SMCHD1: variants seen among roughly 807,000 people sequenced by gnomAD.
SMCHD1 encodes structural maintenance of chromosomes flexible hinge domain-containing protein 1.
A neutral mutation model predicts 254.7 loss-of-function variants in SMCHD1; 78 were observed. That is an observed-to-expected ratio of 0.31 (90% CI 0.26 to 0.37). The LOEUF is 0.37. SMCHD1 is among the 10% of genes least tolerant of loss of function. SMCHD1 has a pLI of 1.00. For synonymous variants in SMCHD1, 766 were observed against 794.9 expected, an observed-to-expected ratio of 0.96 and a Z score of 0.61; for missense variants, 1,840 against 2,408.1, an observed-to-expected ratio of 0.76 and a Z score of 4.94.
At chr18:2,728,725 G>A (rs1270238577) in intron 23 of SMCHD1, 129 bp downstream of exon 23, 4 of 966,268 alleles carry the variant, frequency 4.1e-6, no homozygotes, top group South Asian at 2.2e-5. Context: ...AGGATTTGTG[G>A]GATCTTATTG....
chr18:2,777,723 A>G, intron 42 of SMCHD1, 83 bp from the exon 43 acceptor site: 1 of 693,060 alleles, frequency 1.4e-6, no homozygotes, highest in Non-Finnish European at 2.4e-6. Flanking sequence ...GATGTGCAAT[A>G]TATTCATGTT....
At chr18:2,682,166 T>TG (rs144990626) in intron 5 of SMCHD1, among the ~76,000 whole-genome samples, 3 of 151,940 alleles carry the variant, frequency 2.0e-5, no homozygotes, top group East Asian at 1.9e-4. Context: ...TTAAGTTTGG[T>TG]GTTTTTTTTT....
intron 3 of SMCHD1, among the ~76,000 whole-genome samples, chr18:2,667,430 T>C (rs1239222304): frequency 6.6e-6 from 1 of 152,226 alleles, no homozygotes; most frequent in Non-Finnish European, 1.5e-5. Context: ...CATATTTCCA[T>C]GTCTTTATCA....
At chr18:2,728,203 A>G (rs2075062663) in intron 22 of SMCHD1, among the ~76,000 whole-genome samples, 1 of 152,036 alleles carries the variant, frequency 6.6e-6, no homozygotes, top group Non-Finnish European at 1.5e-5. Context: ...ATGAATTATC[A>G]CTGTGTTGTA....
chr18:2,713,829 A>G (rs12967133), intron 17 of SMCHD1, among the ~76,000 whole-genome samples: 44,799 of 152,144 alleles, frequency 0.29, 6,833 homozygotes, highest in East Asian at 0.5. Flanking sequence ...ACTATGGTCC[A>G]AGAAGTTACT....
At position 2,658,837 on chromosome 18, in the gene SMCHD1, T is replaced by G. The variant is rs2011246329; in HGVS notation, c.186+2576T>G. Among the ~76,000 whole-genome samples the G allele has an allele frequency of 4.0e-5, 6 of 151,138 alleles. 1 individual carries two copies. The South Asian group carries it at 1.0e-3, about 26-fold the overall frequency. ...ATATACATATATATGTGTGTGTGTA[T>G]ATATATGTATATGTATATATACATA... On this transcript the variant is annotated intron_variant, in intron 1 of 47. Transcript: ENST00000320876.
intron 41 of SMCHD1, among the ~76,000 whole-genome samples, chr18:2,774,837 A>G (rs530846765): frequency 6.6e-6 from 1 of 152,366 alleles, no homozygotes; most frequent in African/African-American, 2.4e-5. Flanking sequence ...TACTGGCCAC[A>G]GTAGTCCAAT....
chr18:2,770,399 C>T, intron 39 of SMCHD1, among the ~76,000 whole-genome samples: 1 of 152,118 alleles, frequency 6.6e-6, no homozygotes, highest in East Asian at 1.9e-4. Context: ...ATATTTAGCT[C>T]TAGCTTCTGG....
intron 25 of SMCHD1, among the ~76,000 whole-genome samples, chr18:2,735,061 C>G (rs2075221309): frequency 1.1e-5 from 1 of 89,304 alleles, no homozygotes; most frequent in African/African-American, 4.3e-5. Context: ...CAGAGCAAGA[C>G]TCATCTCAAA....
chr18:2,665,836 A>G (rs1286069613), intron 1 of SMCHD1, among the ~76,000 whole-genome samples: 2 of 152,194 alleles, frequency 1.3e-5, no homozygotes, highest in Admixed American at 6.5e-5. Flanking sequence ...GTACGTTAGT[A>G]TGAAATACTA....
At chr18:2,669,626 A>G (rs1170848062) in intron 3 of SMCHD1, among the ~76,000 whole-genome samples, 1 of 152,220 alleles carries the variant, frequency 6.6e-6, no homozygotes, top group Non-Finnish European at 1.5e-5. Context: ...GGTTCTAAAT[A>G]ACATCATTAC....
At chr18:2,719,965 G>T (rs867452703) in intron 19 of SMCHD1, among the ~76,000 whole-genome samples, 16 of 151,338 alleles carry the variant, frequency 1.1e-4, no homozygotes, top group Middle Eastern at 3.4e-3. Context: ...GTTAGCCACC[G>T]CACGTGGCCC....
At chr18:2,790,126 G>A (rs1194859160) in intron 45 of SMCHD1, among the ~76,000 whole-genome samples, 1 of 152,142 alleles carries the variant, frequency 6.6e-6, no homozygotes, top group African/African-American at 2.4e-5. Flanking sequence ...AGCTTGCAGT[G>A]AGCCGACATC....
chr18:2,775,605 A>C, intron 41 of SMCHD1, 129 bp from the exon 42 acceptor site: 1 of 640,488 alleles, frequency 1.6e-6, no homozygotes, highest in African/African-American at 1.9e-5. Context: ...GTTTTTGACA[A>C]CTTGACAGTT....
intron 37 of SMCHD1, among the ~76,000 whole-genome samples, chr18:2,765,348 A>G (rs1468612616): frequency 6.6e-6 from 1 of 152,130 alleles, no homozygotes. Context: ...CAGTAATTCT[A>G]ACAGTACTAA....
chr18:2,768,669 T>TACACTATATACTATACTAGTAGTATA (rs2075917525), intron 37 of SMCHD1, among the ~76,000 whole-genome samples: 12 of 113,312 alleles, frequency 1.1e-4, no homozygotes, highest in African/African-American at 2.3e-4. Context: ...TAGTATATAG[T>TACACTATATACTATACTAGTAGTATA]GTACTATATA....
intron 3 of SMCHD1, among the ~76,000 whole-genome samples, chr18:2,671,234 C>A (rs147357463): frequency 6.6e-6 from 1 of 152,124 alleles, no homozygotes; most frequent in East Asian, 1.9e-4. Flanking sequence ...CTGCACCTGG[C>A]CCATGAATCT....
At chr18:2,688,141 T>G (rs1039009776) in intron 5 of SMCHD1, among the ~76,000 whole-genome samples, 1 of 152,182 alleles carries the variant, frequency 6.6e-6, no homozygotes, top group Non-Finnish European at 1.5e-5. Context: ...GCTGAGAGAT[T>G]TTCTGATTTA....
At chr18:2,785,498 A>G (rs371664214) in intron 45 of SMCHD1, among the ~76,000 whole-genome samples, 5 of 151,892 alleles carry the variant, frequency 3.3e-5, no homozygotes, top group African/African-American at 7.2e-5. Context: ...AATACAAAAA[A>G]AAAATTAGCT....
Sources: gnomAD v4.1 joint callset for allele counts (sites outside exome capture counted in the v4.1 genomes callset) on GRCh38, gnomAD v4.1.1 for gene constraint, MANE v1.5 for transcripts, NCBI Gene and HGNC (gene_info 2026-07-23, HGNC 2026-07-21) for gene names.